The following DNAJC16 variants were observed in gnomAD, a reference collection of about 807,000 sequenced individuals.
The protein encoded by DNAJC16 is DnaJ heat shock protein family (Hsp40) member C16.
Under a neutral mutation model 92.7 loss-of-function variants are expected in DNAJC16, and 76 were observed. That is an observed-to-expected ratio of 0.82 (90% CI 0.68 to 0.99). The LOEUF (loss-of-function observed/expected upper bound fraction) is 0.99. Ranked by LOEUF, DNAJC16 falls within the 50% of genes least tolerant of loss-of-function variation. The pLI is 0.00. For synonymous variants in DNAJC16, 328 were observed against 358.7 expected (o/e 0.91, Z 0.97); for missense variants, 869 against 942.4 (o/e 0.92, Z 1.02).
chr1:15,558,574 C>T (rs1230443019), intron 7 of DNAJC16, among the ~76,000 whole-genome samples: 4 of 152,140 alleles, frequency 2.6e-5, no homozygotes, highest in Non-Finnish European at 5.9e-5. Context: ...TCAAGGGATC[C>T]TCTTGCCTTG....
At position 15,534,258 on chromosome 1, in the gene DNAJC16, TC is replaced by T; in HGVS notation, c.191del (p.Pro64LeufsTer87). On this transcript the variant is annotated frameshift_variant, in exon 3 of 15. Transcript: ENST00000375847. LOFTEE classifies it high-confidence loss of function. ...REWHPDKNKD[P>X]GAEDKFIQIS... ...TCAGGCATCCTGACAAAAACAAAGA[TC>T]CTGGAGCAGAAGACAAGTTCATTCA... 1 of 1,614,086 alleles carries T rather than the reference TC, an allele frequency of 6.2e-7. No homozygotes were observed. The highest frequency in any genetic ancestry group is 8.5e-7 in the Non-Finnish European group (1 of 1,179,992).
intron 3 of DNAJC16, 108 bp downstream of exon 3, chr1:15,534,411 A>C: frequency 8.8e-7 from 1 of 1,131,180 alleles, no homozygotes; most frequent in Non-Finnish European, 1.3e-6. Flanking sequence ...CATGCCCTTG[A>C]TGCAGTTTCT....
At chr1:15,534,360 GGTGATGA>G (rs1199230472) in intron 3 of DNAJC16, 57 bp downstream of exon 3, 1 of 1,570,428 alleles carries the variant, frequency 6.4e-7, no homozygotes, top group East Asian at 2.3e-5. Flanking sequence ...TGCCTTAGGA[GGTGATGA>G]GTTTTGTAAA....
intron 6 of DNAJC16, 131 bp from the exon 7 acceptor site, chr1:15,548,139 C>CAAT: frequency 1.3e-6 from 1 of 750,502 alleles, no homozygotes; most frequent in Non-Finnish European, 2.1e-6. Context: ...TACAAGGATA[C>CAAT]GGAAGACCTA....
Position 15,536,514 on chromosome 1 carries a change from T to C in DNAJC16, c.274T>C (p.Tyr92His). The C allele has an allele frequency of 1.9e-6, 3 of 1,612,536 alleles. No individual in the cohort carries two copies. The highest frequency in any genetic ancestry group is 2.5e-6 in the Non-Finnish European group (3 of 1,179,538). The change falls in exon 4 of 15, where the codon TAT (tyrosine) becomes CAT (histidine). Residue 92 changes from tyrosine to histidine, a missense_variant. Physicochemically the swap from Tyr to His is moderately conservative, Grantham distance 83. Transcript: ENST00000375847. ...NEEKRSNYDQ[Y>H]GDAGENQGYQ... Reference sequence around the variant, plus strand: ...AGAAAAGAGATCAAATTATGATCAATATGGAGACGCTGGAGAGAACCAGGG... The same window carrying C: ...AGAAAAGAGATCAAATTATGATCAACATGGAGACGCTGGAGAGAACCAGGG...
chr1:15,552,664 T>A (rs6682986), intron 7 of DNAJC16, among the ~76,000 whole-genome samples: 1,748 of 151,942 alleles, frequency 0.012, 40 homozygotes, highest in African/African-American at 0.039. Context: ...AATTTTTTTT[T>A]AAATTCTTGT....
intron 4 of DNAJC16, 145 bp from the exon 5 acceptor site, chr1:15,544,254 A>G: frequency 1.3e-6 from 1 of 743,570 alleles, no homozygotes; most frequent in Non-Finnish European, 2.1e-6. Context: ...GAATTCCAGC[A>G]GTGAAAGAAT....
intron 3 of DNAJC16, among the ~76,000 whole-genome samples, chr1:15,536,072 CTTT>C (rs758451008): frequency 3.5e-5 from 3 of 84,610 alleles, no homozygotes; most frequent in Admixed American, 1.3e-4. Context: ...CTTTTCTTTT[CTTT>C]TTTTTTTTTT....
At chr1:15,527,069 G>C (rs564988126) in intron 1 of DNAJC16, 111 bp downstream of exon 1, 3 of 152,242 alleles carry the variant, frequency 2.0e-5, no homozygotes, top group African/African-American at 7.2e-5. Context: ...GCCCCGGGGG[G>C]AGCCGGGAGC....
chr1:15,567,378 C>G, intron 14 of DNAJC16, 109 bp downstream of exon 14: 4 of 1,160,494 alleles, frequency 3.4e-6, no homozygotes, highest in Non-Finnish European at 4.9e-6. Flanking sequence ...ATCCATACAG[C>G]AAGATGCTGG....
At chr1:15,562,619 G>A (rs1449216970) in intron 9 of DNAJC16, among the ~76,000 whole-genome samples, 1 of 151,644 alleles carries the variant, frequency 6.6e-6, no homozygotes, top group African/African-American at 2.4e-5. Flanking sequence ...CCACATAGCT[G>A]GGACCACAGG....
intron 6 of DNAJC16, 24 bp downstream of exon 6, chr1:15,546,895 GTTTC>G: frequency 7.2e-7 from 1 of 1,394,624 alleles, no homozygotes; most frequent in Non-Finnish European, 9.7e-7. Flanking sequence ...TAGGATAATG[GTTTC>G]TTTTTCTTTT....
At chr1:15,535,153 GTAA>G (rs1384131511) in intron 3 of DNAJC16, among the ~76,000 whole-genome samples, 5 of 148,794 alleles carry the variant, frequency 3.4e-5, no homozygotes, top group African/African-American at 1.3e-4. Context: ...GTAAAACAAA[GTAA>G]ATTAACAGAC....
chr1:15,529,032 A>T, intron 1 of DNAJC16, 56 bp from the exon 2 acceptor site: 1 of 1,522,766 alleles, frequency 6.6e-7, no homozygotes, highest in Non-Finnish European at 9.0e-7. Context: ...TTACCTAAAA[A>T]GCAAGACTGT....
chr1:15,542,929 C>G (rs898915361), intron 4 of DNAJC16, among the ~76,000 whole-genome samples: 1 of 152,184 alleles, frequency 6.6e-6, no homozygotes, highest in African/African-American at 2.4e-5. Context: ...GACCCCATCT[C>G]TTACACAATG....
At chr1:15,549,707 G>A (rs1041960927) in intron 7 of DNAJC16, among the ~76,000 whole-genome samples, 5 of 151,760 alleles carry the variant, frequency 3.3e-5, no homozygotes, top group South Asian at 2.1e-4. Context: ...CCAGCTACTC[G>A]GGAGGCTGGG....
chr1:15,549,817 CAAAAA>C (rs777127254), intron 7 of DNAJC16, among the ~76,000 whole-genome samples: 1 of 56,370 alleles, frequency 1.8e-5, no homozygotes. Flanking sequence ...GACTCCGTCT[CAAAAA>C]AAAAAAAAAA....
In DNAJC16 at chr1:15,571,114, C is replaced by G. The variant is rs1050546272; in HGVS notation, c.*2937C>G. ...CAACATTTCAGTGGGTGAGGCTGCC[C>G]TAACTTCCATTAGGGGCCATGGTCT... On this transcript the variant is annotated 3_prime_UTR_variant, in exon 15 of 15. Transcript: ENST00000375847. The G allele has an allele frequency of 1.1e-4, 16 of 152,176 alleles. No homozygotes were observed. Among genetic ancestry groups the G allele is most frequent in the African/African-American group, 3.9e-4 (16 of 41,444 alleles). 9.4% of individuals were successfully genotyped at this position (152,176 alleles called of 1,614,324 possible).
At chr1:15,562,927 G>A (rs114156952) in intron 9 of DNAJC16, among the ~76,000 whole-genome samples, 47 of 149,396 alleles carry the variant, frequency 3.1e-4, no homozygotes, top group African/African-American at 1.1e-3. Flanking sequence ...GGCAAGTCTG[G>A]TCTTGCAGCA....
Sources: gnomAD v4.1 joint callset for allele counts (sites outside exome capture counted in the v4.1 genomes callset) on GRCh38, gnomAD v4.1.1 for gene constraint, MANE v1.5 for transcripts, NCBI Gene and HGNC (gene_info 2026-07-23, HGNC 2026-07-21) for gene names.